The following POR variants were observed in gnomAD, a reference collection of about 807,000 sequenced individuals.
POR encodes the protein NADPH--cytochrome P450 reductase.
In POR, 56 loss-of-function variants were observed where a neutral mutation model predicts 84.0. The observed-to-expected ratio is 0.67, with a 90% confidence interval of 0.54 to 0.83. The LOEUF (loss-of-function observed/expected upper bound fraction) is 0.83, where lower values mean the gene tolerates loss of function less well. POR is among the 40% of genes least tolerant of loss of function. POR has a pLI of 0.00. For missense variants in POR, 938 were observed against 944.3 expected, an observed-to-expected ratio of 0.99 and a Z score of 0.09; for synonymous variants, 414 against 400.5, an observed-to-expected ratio of 1.03 and a Z score of -0.40.
At chr7:75,983,901 G>A (rs781888274) in intron 10 of POR, 45 bp downstream of exon 10, 35 of 1,471,662 alleles carry the variant, frequency 2.4e-5, no homozygotes, top group African/African-American at 6.9e-5. Context: ...AGGCAGCCGC[G>A]GGATTGGGCC....
intron 1 of POR, among the ~76,000 whole-genome samples, chr7:75,950,609 GC>G (rs1326288255): frequency 1.3e-5 from 2 of 152,160 alleles, no homozygotes; most frequent in African/African-American, 4.8e-5. Flanking sequence ...GATCCTAAAT[GC>G]CTCTCTGTCT....
At chr7:75,956,224 A>C (rs1339652025) in intron 2 of POR, among the ~76,000 whole-genome samples, 3 of 152,174 alleles carry the variant, frequency 2.0e-5, no homozygotes, top group African/African-American at 4.8e-5. Context: ...GCTTGAACCC[A>C]GGAGGCAGAG....
rs782052242 is a variant in POR, at chr7:75,983,523, C to T, written c.834C>T (p.Pro278=). The change falls in exon 9 of 16, where the codon CCC becomes CCT. Residue 278 remains proline (P), a synonymous_variant. Transcript: ENST00000461988. ...TGCTTCTCTCCTCCCCACCCAGCCC[C>T]TTTGATGCCAAGAATCCGTTCCTGG... The T allele has an allele frequency of 5.0e-6, 8 of 1,612,564 alleles. No homozygotes were observed. Among genetic ancestry groups the T allele is most frequent in the Admixed American group, 1.7e-5 (1 of 59,990 alleles).
In POR at chr7:75,984,876, T is replaced by C; in HGVS notation, c.1166T>C (p.Leu389Pro). The C allele has an allele frequency of 6.2e-7, 1 of 1,612,538 alleles. No individual in the cohort carries two copies. Among genetic ancestry groups the C allele is most frequent in the Non-Finnish European group, 8.5e-7 (1 of 1,179,786 alleles). ...ACCAACCCGCCGCGTACCAACGTGC[T>C]GTACGAGCTGGCGCAGTACGCCTCG... is the stretch of plus-strand genomic sequence containing the variant. The change falls in exon 11 of 16, where the codon CTG (leucine) becomes CCG (proline). Residue 389 changes from leucine (L) to proline (P), a missense_variant. Transcript: ENST00000461988.
In POR at chr7:75,979,458, A is replaced by C. The variant is rs782037392; in HGVS notation, c.245A>C (p.Asn82Thr). 5 of 1,612,464 alleles carry C rather than the reference A, an allele frequency of 3.1e-6. No homozygotes were observed. In the South Asian group the frequency reaches 4.4e-5, roughly 14 times the overall value. The change falls in exon 4 of 16, where the codon AAC becomes ACC. Residue 82 changes from asparagine (N) to threonine (T), a missense_variant. Transcript: ENST00000461988. ...TGTGTCTGCCTTCCTTAGGGGAGGA[A>C]CATCATCGTGTTCTACGGCTCCCAG...
At chr7:75,935,393 C>A (rs1807619818) in intron 1 of POR, among the ~76,000 whole-genome samples, 1 of 152,098 alleles carries the variant, frequency 6.6e-6, no homozygotes, top group Admixed American at 6.6e-5. Flanking sequence ...ACTACAGGCA[C>A]CCACCACCAT....
intron 1 of POR, among the ~76,000 whole-genome samples, chr7:75,940,283 C>T (rs1245712513): frequency 2.7e-5 from 4 of 150,804 alleles, no homozygotes; most frequent in Non-Finnish European, 5.9e-5. Flanking sequence ...GATGGGGTTT[C>T]GCCATGTTGG....
chr7:75,941,130 TC>T (rs1807960173), intron 1 of POR, among the ~76,000 whole-genome samples: 1 of 152,062 alleles, frequency 6.6e-6, no homozygotes, highest in Non-Finnish European at 1.5e-5. Flanking sequence ...GCTACTGCTT[TC>T]CACCCTGGGT....
chr7:75,935,648 TG>T (rs1807639208), intron 1 of POR, among the ~76,000 whole-genome samples: 1 of 151,082 alleles, frequency 6.6e-6, no homozygotes, highest in Admixed American at 6.6e-5. Flanking sequence ...TGTGTGTGTG[TG>T]TGTGTGTGTG....
chr7:75,981,040 C>T lies in POR; in HGVS notation c.517-8C>T, dbSNP rs1554557730. ...CCAGGCCTCAGAGCGGCCCCTGTGT[C>T]CACGCAGGTGTTTGGTCTTGGGAAC... On this transcript the variant is annotated splice_polypyrimidine_tract_variant and splice_region_variant and intron_variant, in intron 5 of 15. Transcript: ENST00000461988. 24 of 1,566,254 alleles carry T rather than the reference C, an allele frequency of 1.5e-5. No homozygotes were observed. The highest frequency in any genetic ancestry group is 2.1e-5 in the Non-Finnish European group (24 of 1,154,124).
intron 2 of POR, among the ~76,000 whole-genome samples, chr7:75,963,947 A>G (rs563229952): frequency 6.6e-6 from 1 of 152,034 alleles, no homozygotes; most frequent in East Asian, 1.9e-4. Flanking sequence ...TGAGGTATAA[A>G]TGACAAAAAT....
intron 4 of POR, 25 bp from the exon 5 acceptor site, chr7:75,980,314 C>T (rs376964951): frequency 1.5e-5 from 24 of 1,606,026 alleles, no homozygotes; most frequent in African/African-American, 1.2e-4. Context: ...ATGGCCGGGG[C>T]GCGGTCCTGT....
intron 1 of POR, among the ~76,000 whole-genome samples, chr7:75,920,138 T>C (rs1208489156): frequency 7.1e-6 from 1 of 141,806 alleles, no homozygotes; most frequent in Non-Finnish European, 1.5e-5. Context: ...TGATCTTGGC[T>C]CACTGCAACC....
In POR at chr7:75,967,383, A is replaced by G. The variant is rs782056470; in HGVS notation, c.189-5030A>G. On this transcript the variant is annotated intron_variant, in intron 2 of 15. Transcript: ENST00000461988. ...GCCCACCTTGCCAGGCATTTCCCCAACTGCCCTGATGGGAGGGGAAGGTGT... is the reference window on the plus strand; with the variant it reads ...GCCCACCTTGCCAGGCATTTCCCCAGCTGCCCTGATGGGAGGGGAAGGTGT... Among the ~76,000 whole-genome samples, 8 of 152,196 alleles carry G rather than the reference A, an allele frequency of 5.3e-5. No homozygotes were observed. In the South Asian group the frequency reaches 8.3e-4, roughly 16 times the overall value.
chr7:75,921,623 G>A (rs968262076), intron 1 of POR, among the ~76,000 whole-genome samples: 71 of 151,956 alleles, frequency 4.7e-4, no homozygotes, highest in Admixed American at 7.9e-4. Flanking sequence ...TTCCTGCTGC[G>A]CTGACCCGTA....
intron 1 of POR, among the ~76,000 whole-genome samples, chr7:75,926,316 A>C (rs2116237988): frequency 6.6e-6 from 1 of 151,996 alleles, no homozygotes; most frequent in Non-Finnish European, 1.5e-5. Flanking sequence ...TTCCTGTGAT[A>C]TTTGAAAAGC....
chr7:75,977,783 CAAAAATAAAAAAAAGAAAA>C (rs1486886528), intron 3 of POR, among the ~76,000 whole-genome samples: 1 of 151,536 alleles, frequency 6.6e-6, no homozygotes, highest in Non-Finnish European at 1.5e-5. Flanking sequence ...GTCTCACACA[CAAAAATAAAAAAAAGAAAA>C]GAAAAAAAGA....
At chr7:75,946,434 G>A (rs1490012255) in intron 1 of POR, among the ~76,000 whole-genome samples, 6 of 151,966 alleles carry the variant, frequency 3.9e-5, no homozygotes, top group Non-Finnish European at 5.9e-5. Flanking sequence ...CTACAGGTGC[G>A]CACCGTCACA....
intron 1 of POR, among the ~76,000 whole-genome samples, chr7:75,947,653 T>G (rs1787240261): frequency 6.6e-6 from 1 of 152,186 alleles, no homozygotes; most frequent in Non-Finnish European, 1.5e-5. Context: ...CATTTTGTGT[T>G]GCACGTGTCA....
Sources: allele counts gnomAD v4.1 joint callset (sites outside exome capture counted in the v4.1 genomes callset), GRCh38; gene constraint gnomAD v4.1.1; transcripts MANE v1.5; gene names NCBI Gene and HGNC (gene_info 2026-07-23, HGNC 2026-07-21).